The following HERC2 variants were observed in gnomAD, a reference collection of about 807,000 sequenced individuals.
HERC2 encodes HECT and RLD domain containing E3 ubiquitin protein ligase 2, also known as E3 ubiquitin-protein ligase HERC2.
In HERC2, 102 loss-of-function variants were observed where a neutral mutation model predicts 537.7. The observed-to-expected ratio is 0.19, with a 90% CI of 0.16 to 0.22. The LOEUF (loss-of-function observed/expected upper bound fraction) is 0.22, where lower values mean the gene tolerates loss of function less well. Among genes scored for constraint, HERC2 ranks in the 10% least tolerant of loss-of-function variants. The pLI, the probability that HERC2 is intolerant of heterozygous loss-of-function variation, is 1.00. For missense variants in HERC2, 4,236 were observed against 6,198.2 expected (o/e 0.68, Z 10.63); for synonymous variants, 2,224 against 2,466.2 (o/e 0.90, Z 2.91).
At chr15:28,259,403 T>C (rs888951831) in intron 16 of HERC2, among the ~76,000 whole-genome samples, 2 of 152,090 alleles carry the variant, frequency 1.3e-5, no homozygotes, top group Non-Finnish European at 2.9e-5. Context: ...CGTAAAATCT[T>C]TTAGAAAGCA....
rs1895382803 is a variant in HERC2 at position 28,177,298 on chromosome 15, A to AT, written c.9254+120dup. The stretch of plus-strand genomic sequence containing the variant: ...AAACACAAACAACCGTGTTAAAAAA[A>AT]TTTTGTTTAAGAACCATTTCTATAA... On this transcript the variant is annotated intron_variant, in intron 60 of 92. Transcript: ENST00000261609. This position sits in a 1 kb window ranked among gnomAD's most constrained non-coding sequence, Gnocchi z 5.0. 1.6e-6 allele frequency: 2 copies of AT among 1,269,844 alleles called. No individual in the cohort carries two copies. The highest frequency in any genetic ancestry group is 2.2e-6 in the Non-Finnish European group (2 of 908,632). 78.7% of individuals were successfully genotyped at this position (1,269,844 alleles called of 1,614,324 possible).
intron 26 of HERC2, among the ~76,000 whole-genome samples, chr15:28,235,813 C>T (rs574445076): frequency 2.0e-5 from 3 of 152,170 alleles, no homozygotes; most frequent in African/African-American, 4.8e-5. Context: ...CTGAACACCT[C>T]GCATGGTAAC....
chr15:28,172,423 C>A (rs1385318697), intron 65 of HERC2, among the ~76,000 whole-genome samples: 1 of 152,280 alleles, frequency 6.6e-6, no homozygotes, highest in Middle Eastern at 3.4e-3. Flanking sequence ...CCACCAAAAT[C>A]CACAAATAAA....
In HERC2 at chr15:28,233,197, G is replaced by A. The variant is rs1308652473; in HGVS notation, c.4624C>T (p.Arg1542Cys). 2.5e-6 allele frequency: 4 copies of A among 1,611,554 alleles called. No homozygotes were observed. The highest frequency in any genetic ancestry group is 2.2e-5 in the South Asian group (2 of 90,974). The change falls in exon 30 of 93, where the codon CGT (arginine) becomes TGT (cysteine). Residue 1542 changes from arginine (R) to cysteine (C), a missense_variant. Coordinates refer to ENST00000261609, the MANE Select transcript of HERC2 (RefSeq NM_004667.6). ...ATCTTTTGAGCTATCCTCCTCCAACGGGGCAAAGAACTTAACAATTTAAAC... is the reference window on the plus strand; with the variant it reads ...ATCTTTTGAGCTATCCTCCTCCAACAGGGCAAAGAACTTAACAATTTAAAC... ...SKFKLLSSLP[R>C]WRRIAQKIIR...
intron 68 of HERC2, among the ~76,000 whole-genome samples, chr15:28,166,113 G>A (rs1304896855): frequency 2.0e-5 from 3 of 152,136 alleles, no homozygotes; most frequent in South Asian, 2.1e-4. Flanking sequence ...GAATTAACCC[G>A]AATGCTTCAC....
chr15:28,294,501 T>C (rs1321748219), intron 3 of HERC2, among the ~76,000 whole-genome samples: 21 of 149,284 alleles, frequency 1.4e-4, no homozygotes, highest in Admixed American at 2.7e-4. Flanking sequence ...TGCCTTGACA[T>C]TGGTAAAATC....
chr15:28,229,435 A>C, intron 33 of HERC2, 25 bp downstream of exon 33: 1 of 1,613,762 alleles, frequency 6.2e-7, no homozygotes. Flanking sequence ...ACCTTAATTA[A>C]GAAAAAAATA....
intron 85 of HERC2, 44 bp downstream of exon 85, chr15:28,123,993 G>A: frequency 5.4e-6 from 8 of 1,476,642 alleles, no homozygotes; most frequent in Non-Finnish European, 7.3e-6. Context: ...TACATGTACT[G>A]AAGACACCAG....
chr15:28,221,230 G>A (rs1310854947), intron 36 of HERC2, among the ~76,000 whole-genome samples: 1 of 151,662 alleles, frequency 6.6e-6, no homozygotes, highest in Non-Finnish European at 1.5e-5. Context: ...AGTCAATGCA[G>A]AGACAGGGCT....
Position 28,212,457 on chromosome 15 carries a change from G to C in HERC2, c.6913C>G (p.Gln2305Glu). Residue 2305 changes from glutamine (Q) to glutamate (E), a missense_variant, in exon 43 of 93, where the codon CAG becomes GAG. Coordinates refer to ENST00000261609, the MANE Select transcript of HERC2 (RefSeq NM_004667.6). The part of the protein sequence containing the change: ...EKHKIKKSTK[Q>E]AFAGQVDLDL... ...ACCATGTACTGACCTGCAAAGGCCTGTTTAGTCGATTTCTTTATTTTGTGC... is the reference window on the plus strand; with the variant it reads ...ACCATGTACTGACCTGCAAAGGCCTCTTTAGTCGATTTCTTTATTTTGTGC... The C allele has an allele frequency of 6.2e-7, 1 of 1,610,812 alleles. No individual in the cohort carries two copies. Among genetic ancestry groups the C allele is most frequent in the Non-Finnish European group, 8.5e-7 (1 of 1,178,976 alleles).
intron 20 of HERC2, 70 bp downstream of exon 20, chr15:28,254,270 C>T (rs1174192658): frequency 1.1e-5 from 13 of 1,138,948 alleles, no homozygotes; most frequent in Admixed American, 5.1e-5. Flanking sequence ...GCAACAAGAG[C>T]GAACTCTGTC....
At chr15:28,222,747 T>C (rs1900658425) in intron 35 of HERC2, among the ~76,000 whole-genome samples, 1 of 152,284 alleles carries the variant, frequency 6.6e-6, no homozygotes, top group East Asian at 1.9e-4. Context: ...CTGAACTGTC[T>C]GTACAAACAA....
intron 69 of HERC2, among the ~76,000 whole-genome samples, chr15:28,157,763 T>C (rs1246096967): frequency 6.6e-6 from 1 of 152,246 alleles, no homozygotes; most frequent in Non-Finnish European, 1.5e-5. Context: ...TGATCTTAGT[T>C]ATTTTTTGCC....
At chr15:28,192,927 T>A (rs1596181328) in intron 52 of HERC2, among the ~76,000 whole-genome samples, 2 of 141,800 alleles carry the variant, frequency 1.4e-5, no homozygotes, top group South Asian at 2.6e-4. Flanking sequence ...TTTTTGGGTT[T>A]CCCTTTTTTT....
intron 50 of HERC2, among the ~76,000 whole-genome samples, chr15:28,198,015 C>T (rs1302598814): frequency 6.6e-6 from 1 of 152,142 alleles, no homozygotes; most frequent in African/African-American, 2.4e-5. Flanking sequence ...TCCATTCTTT[C>T]TGCCTGCTAG....
At chr15:28,293,411 T>G (rs560913683) in intron 3 of HERC2, among the ~76,000 whole-genome samples, 82 of 147,888 alleles carry the variant, frequency 5.5e-4, no homozygotes, top group African/African-American at 2.0e-3. Context: ...GAGAATGGCG[T>G]GAACCCGGGA....
In HERC2 at chr15:28,225,360, G is replaced by A. The variant is rs1901016076; in HGVS notation, c.5464+2858C>T. ...AGAAAAATAACAAAACCAAAAGTTT[G>A]GTTTCTGACAAGAACAAAAAATCTG... On this transcript the variant is annotated intron_variant, in intron 35 of 92. Transcript: ENST00000261609. Among the ~76,000 whole-genome samples the A allele has an allele frequency of 5.3e-5, 8 of 151,890 alleles. No homozygotes were observed. In the South Asian group the frequency reaches 1.7e-3, roughly 32 times the overall value.
chr15:28,249,587 G>A (rs1904073009), intron 20 of HERC2, among the ~76,000 whole-genome samples: 1 of 152,174 alleles, frequency 6.6e-6, no homozygotes, highest in Non-Finnish European at 1.5e-5. Context: ...TGGGACCAGA[G>A]TCTGCAATGC....
At chr15:28,144,348 A>G in intron 72 of HERC2, 113 bp from the exon 73 acceptor site, 1 of 1,117,766 alleles carries the variant, frequency 8.9e-7, no homozygotes, top group Non-Finnish European at 1.3e-6. Context: ...AGAAGGCAAC[A>G]GCTGGTGTGC....
Sources: gnomAD v4.1 joint callset for allele counts (sites outside exome capture counted in the v4.1 genomes callset) on GRCh38, gnomAD v4.1.1 for gene constraint, Gnocchi (gnomAD v3.1) non-coding constraint, MANE v1.5 for transcripts, NCBI Gene and HGNC (gene_info 2026-07-23, HGNC 2026-07-21) for gene names.